SLC2A13: variants seen among roughly 807,000 people sequenced by gnomAD.
SLC2A13 encodes proton myo-inositol cotransporter.
A neutral mutation model predicts 64.4 loss-of-function variants in SLC2A13; 32 were observed. The ratio of observed to expected loss-of-function variants is 0.50; its 90% CI spans 0.37 to 0.67. The LOEUF (loss-of-function observed/expected upper bound fraction) is 0.67. Among genes scored for constraint, SLC2A13 ranks in the 30% least tolerant of loss-of-function variants. The pLI, the probability that SLC2A13 is intolerant of heterozygous loss-of-function variation, is 0.00. For synonymous variants in SLC2A13, 338 were observed against 327.1 expected, an observed-to-expected ratio of 1.03 and a Z score of -0.36; for missense variants, 743 against 829.2, an observed-to-expected ratio of 0.90 and a Z score of 1.28.
rs1319517739 is a variant in SLC2A13, at chr12:40,048,068, G to A, written c.699C>T (p.Leu233=). Residue 233 remains leucine (L), a synonymous_variant, in exon 2 of 10, where the codon CTC becomes CTT. Transcript: ENST00000280871. ...ASVVDGAFSY[L]QKDGWRYMLG... is the part of the protein sequence containing the mutation. Reference sequence around the variant, plus strand: ...TTACAAACCTCCATCCATCCTTCTGGAGATAACTGAAGGCTCCATCAACAA... The same window carrying A: ...TTACAAACCTCCATCCATCCTTCTGAAGATAACTGAAGGCTCCATCAACAA... 2.5e-6 allele frequency: 4 copies of A among 1,609,058 alleles called. No homozygotes were observed. The highest frequency in any genetic ancestry group is 1.7e-4 in the Middle Eastern group (1 of 6,030).
chr12:39,869,022 A>C (rs1334652455), intron 5 of SLC2A13, among the ~76,000 whole-genome samples: 1 of 152,216 alleles, frequency 6.6e-6, no homozygotes, highest in African/African-American at 2.4e-5. Context: ...CAAAATAGGG[A>C]ACGATACTGA....
At chr12:39,992,918 A>C (rs1947162462) in intron 3 of SLC2A13, among the ~76,000 whole-genome samples, 1 of 152,236 alleles carries the variant, frequency 6.6e-6, no homozygotes, top group Non-Finnish European at 1.5e-5. Flanking sequence ...CCTTTCCTTA[A>C]CCAAAATAAA....
chr12:40,006,146 T>A (rs28370650), intron 3 of SLC2A13, among the ~76,000 whole-genome samples: 2,221 of 152,224 alleles, frequency 0.015, 28 homozygotes, highest in Middle Eastern at 0.086. Context: ...AATACAAAAT[T>A]GAAATTAATA....
At chr12:39,972,250 G>C (rs913551779) in intron 3 of SLC2A13, among the ~76,000 whole-genome samples, 1 of 151,612 alleles carries the variant, frequency 6.6e-6, no homozygotes, top group African/African-American at 2.4e-5. Flanking sequence ...CACAGGAACA[G>C]CACTTATGGC....
intron 3 of SLC2A13, among the ~76,000 whole-genome samples, chr12:39,976,680 GAAA>G (rs1403384775): frequency 6.6e-6 from 1 of 152,020 alleles, no homozygotes; most frequent in Non-Finnish European, 1.5e-5. Context: ...TTACAGGAGT[GAAA>G]CTGCTGCCCC....
Position 39,764,869 on chromosome 12 carries a change from A to G in SLC2A13, c.1446-11T>C. 6.2e-7 allele frequency: 1 copy of G among 1,610,282 alleles called. No homozygotes were observed. On this transcript the variant is annotated splice_polypyrimidine_tract_variant and intron_variant, in intron 7 of 9. Coordinates refer to ENST00000280871, the MANE Select transcript of SLC2A13 (RefSeq NM_052885.4). The stretch of plus-strand genomic sequence containing the variant: ...GTTTCATTTTCACACCTGAAAAATA[A>G]TGCAATATAAGTATTAACTTAATGT...
At chr12:39,880,145 G>A (rs935489452) in intron 4 of SLC2A13, among the ~76,000 whole-genome samples, 25 of 152,166 alleles carry the variant, frequency 1.6e-4, no homozygotes, top group African/African-American at 5.5e-4. Flanking sequence ...CTCCCCAGAA[G>A]CTGGGCAGAT....
At position 39,773,908 on chromosome 12, in the gene SLC2A13, A is replaced by C. The variant is rs982082363; in HGVS notation, c.1446-9050T>G. On this transcript the variant is annotated intron_variant, in intron 7 of 9. Transcript: ENST00000280871. ...CGTGTGACACATCTACCATCGTTCT[A>C]CTGGGCTTACTGCACAAGCTTGCTA... Among the ~76,000 whole-genome samples, 88 of 152,336 alleles carry C rather than the reference A, an allele frequency of 5.8e-4. 1 individual carries two copies. Among genetic ancestry groups the C allele is most frequent in the African/African-American group, 1.9e-3 (78 of 41,578 alleles).
At chr12:39,786,904 G>A (rs1266302907) in intron 7 of SLC2A13, among the ~76,000 whole-genome samples, 1 of 152,126 alleles carries the variant, frequency 6.6e-6, no homozygotes, top group Non-Finnish European at 1.5e-5. Context: ...ACTTACCTTT[G>A]TTCTTGGCAT....
At chr12:39,877,981 C>G (rs1944234434) in intron 4 of SLC2A13, among the ~76,000 whole-genome samples, 1 of 152,108 alleles carries the variant, frequency 6.6e-6, no homozygotes, top group South Asian at 2.1e-4. Context: ...TGAGGTACCT[C>G]CCCTGACCCA....
At chr12:40,016,191 C>A (rs1947617857) in intron 3 of SLC2A13, among the ~76,000 whole-genome samples, 1 of 151,742 alleles carries the variant, frequency 6.6e-6, no homozygotes, top group African/African-American at 2.4e-5. Context: ...CATACTACAC[C>A]ACCCCCCCAA....
chr12:39,793,770 T>A (rs1352452860), intron 7 of SLC2A13, among the ~76,000 whole-genome samples: 1 of 152,124 alleles, frequency 6.6e-6, no homozygotes, highest in African/African-American at 2.4e-5. Flanking sequence ...TAGGAATCCC[T>A]CCCATGAAAT....
At chr12:39,893,470 T>G (rs1453063453) in intron 4 of SLC2A13, among the ~76,000 whole-genome samples, 1 of 152,322 alleles carries the variant, frequency 6.6e-6, no homozygotes, top group Admixed American at 6.5e-5. Context: ...CAGCTAATTT[T>G]TGTATTCTTA....
Position 40,047,343 on chromosome 12 carries a change from T to C in SLC2A13, c.716+708A>G, listed in dbSNP as rs112861256. 9.2e-5 allele frequency among the ~76,000 whole-genome samples: 14 copies of C among 152,346 alleles called. 2 individuals are homozygous for C. Among genetic ancestry groups the C allele is most frequent in the African/African-American group, 2.9e-4 (12 of 41,582 alleles). On this transcript the variant is annotated intron_variant, in intron 2 of 9. Coordinates refer to ENST00000280871, the MANE Select transcript of SLC2A13 (RefSeq NM_052885.4). ...AATACTGAATAAATATTTGTTCTAA[T>C]AAGTAGAGGCAAGAAAACAAGATAG...
chr12:39,856,747 C>T (rs575794633), intron 6 of SLC2A13, among the ~76,000 whole-genome samples: 1 of 152,306 alleles, frequency 6.6e-6, no homozygotes, highest in African/African-American at 2.4e-5. Flanking sequence ...GAACACGTAG[C>T]AAGGTTATGT....
intron 1 of SLC2A13, among the ~76,000 whole-genome samples, chr12:40,072,945 T>A (rs1027801976): frequency 1.3e-5 from 2 of 152,092 alleles, no homozygotes; most frequent in Non-Finnish European, 2.9e-5. Context: ...ACCCTTTTTC[T>A]GCCTTGTGTG....
chr12:39,922,507 T>A (rs1227878285), intron 4 of SLC2A13, among the ~76,000 whole-genome samples: 1 of 152,234 alleles, frequency 6.6e-6, no homozygotes, highest in Admixed American at 6.6e-5. Flanking sequence ...TTTAAGGGGT[T>A]CTTTCTGAAG....
At position 39,944,517 on chromosome 12, in the gene SLC2A13, C is replaced by T. The variant is rs576815928; in HGVS notation, c.1034+6740G>A. On this transcript the variant is annotated intron_variant, in intron 4 of 9. Transcript: ENST00000280871. ...TCTATTAGTAATTGTTTTATAAATTCGGAGCTCCAGTGTTAGGTGCACATG... is the reference window on the plus strand; with the variant it reads ...TCTATTAGTAATTGTTTTATAAATTTGGAGCTCCAGTGTTAGGTGCACATG... Among the ~76,000 whole-genome samples the T allele has an allele frequency of 2.9e-4, 44 of 152,216 alleles. No homozygotes were observed. The South Asian group carries it at 7.9e-3, about 27-fold the overall frequency.
intron 7 of SLC2A13, among the ~76,000 whole-genome samples, chr12:39,788,196 T>G (rs1444442628): frequency 6.6e-6 from 1 of 152,122 alleles, no homozygotes; most frequent in East Asian, 1.9e-4. Flanking sequence ...GCTGTGTCAT[T>G]TTCCTACATT....
Sources: gnomAD v4.1 joint callset for allele counts (sites outside exome capture counted in the v4.1 genomes callset) on GRCh38, gnomAD v4.1.1 for gene constraint, MANE v1.5 for transcripts, NCBI Gene and HGNC (gene_info 2026-07-23, HGNC 2026-07-21) for gene names.